APAF1: variants seen among roughly 807,000 people sequenced by gnomAD.
The protein encoded by APAF1 is apoptotic protease-activating factor 1.
Under a neutral mutation model 152.4 loss-of-function variants are expected in APAF1, and 91 were observed. The ratio of observed to expected loss-of-function variants is 0.60; its 90% confidence interval spans 0.50 to 0.71. APAF1 has a LOEUF of 0.71. Among genes scored for constraint, APAF1 ranks in the 30% least tolerant of loss-of-function variants. The probability of loss-of-function intolerance (pLI) is 0.00; values close to 1 mark genes in which losing one functional copy is unlikely to be tolerated. For synonymous variants in APAF1, 484 were observed against 494.1 expected (o/e 0.98, Z 0.27); for missense variants, 1,283 against 1,472.0 (o/e 0.87, Z 2.10).
In APAF1 at chr12:98,671,054, T is replaced by G; in HGVS notation, c.1576T>G (p.Phe526Val). 2 of 1,611,238 alleles carry G rather than the reference T, an allele frequency of 1.2e-6. No homozygotes were observed. Among genetic ancestry groups the G allele is most frequent in the South Asian group, 2.2e-5 (2 of 90,992 alleles). ...LVGPAHLIHE[F>V]VEYRHILDEK... ...AGGCCCTGCTCATCTGATTCATGAATTTGTGGAATACAGACATATACTAGA... is the reference window on the plus strand; with the variant it reads ...AGGCCCTGCTCATCTGATTCATGAAGTTGTGGAATACAGACATATACTAGA... The change falls in exon 11 of 27, where the codon TTT becomes GTT. Residue 526 changes from phenylalanine to valine, a missense_variant. Coordinates refer to ENST00000551964, the MANE Select transcript of APAF1 (RefSeq NM_181861.2).
intron 5 of APAF1, among the ~76,000 whole-genome samples, chr12:98,661,295 A>G (rs1249896197): frequency 6.6e-6 from 1 of 152,160 alleles, no homozygotes; most frequent in African/African-American, 2.4e-5. Flanking sequence ...CCCTAGTTCT[A>G]CTTTTCCTTT....
intron 16 of APAF1, among the ~76,000 whole-genome samples, chr12:98,688,634 C>T (rs995815639): frequency 4.8e-5 from 6 of 124,300 alleles, no homozygotes; most frequent in East Asian, 2.5e-4. Flanking sequence ...TCACACCTGG[C>T]GAAATTTTTT....
At chr12:98,713,410 A>G (rs1259579349) in intron 21 of APAF1, among the ~76,000 whole-genome samples, 2 of 152,154 alleles carry the variant, frequency 1.3e-5, no homozygotes, top group African/African-American at 4.8e-5. Context: ...TTCGGTACTG[A>G]TAAGGCTCAT....
At chr12:98,648,549 G>T (rs1186341058) in intron 2 of APAF1, 52 bp downstream of exon 2, 3 of 1,608,342 alleles carry the variant, frequency 1.9e-6, no homozygotes, top group Admixed American at 3.4e-5. Flanking sequence ...TAGAATTTCA[G>T]AACTTGTACT....
chr12:98,726,419 C>T (rs562023461), intron 25 of APAF1: 9 of 150,300 alleles, frequency 6.0e-5, no homozygotes, highest in African/African-American at 1.7e-4. Context: ...GGGGTTTTCC[C>T]CCTTTCATTA....
At chr12:98,667,889 G>GC (rs1324494825) in intron 10 of APAF1, among the ~76,000 whole-genome samples, 3 of 145,946 alleles carry the variant, frequency 2.1e-5, no homozygotes, top group East Asian at 2.1e-4. Flanking sequence ...TCCCACTTCA[G>GC]CCCCCCATGT....
In APAF1 at chr12:98,648,797, A is replaced by G; in HGVS notation, c.310A>G (p.Ser104Gly). 5 of 1,613,942 alleles carry G rather than the reference A, an allele frequency of 3.1e-6. No individual in the cohort carries two copies. Among genetic ancestry groups the G allele is most frequent in the Non-Finnish European group, 4.2e-6 (5 of 1,179,944 alleles). ...TTCTTCCAGTGGTAAAGATTCAGTTAGTGGAATAACTTCGTATGGTTTGTA... is the reference window on the plus strand; with the variant it reads ...TTCTTCCAGTGGTAAAGATTCAGTTGGTGGAATAACTTCGTATGGTTTGTA... Reference protein sequence around the residue: ...VSSSSGKDSVSGITSYVRTVL... With the variant: ...VSSSSGKDSVGGITSYVRTVL... The change falls in exon 3 of 27, where the codon AGT becomes GGT. Residue 104 changes from serine to glycine, a missense_variant. Physicochemically the swap from Ser to Gly is moderately conservative, Grantham distance 56. Coordinates refer to ENST00000551964, the MANE Select transcript of APAF1 (RefSeq NM_181861.2).
At chr12:98,706,332 T>G (rs1272561053) in intron 18 of APAF1, among the ~76,000 whole-genome samples, 153 bp from the exon 19 acceptor site, 1 of 152,248 alleles carries the variant, frequency 6.6e-6, no homozygotes, top group Non-Finnish European at 1.5e-5. Context: ...CTAAATAATC[T>G]TCTGCATAAG....
intron 5 of APAF1, among the ~76,000 whole-genome samples, chr12:98,660,650 C>T (rs1316197648): frequency 6.6e-6 from 1 of 152,204 alleles, no homozygotes; most frequent in African/African-American, 2.4e-5. Flanking sequence ...AACAGCCTCT[C>T]TTTCATTTGT....
intron 16 of APAF1, among the ~76,000 whole-genome samples, chr12:98,695,362 C>T (rs1224030044): frequency 3.5e-5 from 5 of 141,858 alleles, no homozygotes; most frequent in African/African-American, 1.0e-4. Context: ...CGCCCCCCCC[C>T]TTTTTTTTTT....
At chr12:98,653,473 A>G (rs558408541) in intron 4 of APAF1, among the ~76,000 whole-genome samples, 1 of 150,882 alleles carries the variant, frequency 6.6e-6, no homozygotes, top group East Asian at 2.0e-4. Flanking sequence ...CCTGGCCAAC[A>G]TGGTGAAACC....
At chr12:98,679,582 T>C (rs2097690187) in intron 13 of APAF1, among the ~76,000 whole-genome samples, 2 of 152,154 alleles carry the variant, frequency 1.3e-5, no homozygotes, top group Non-Finnish European at 2.9e-5. Context: ...GCATTGCAAG[T>C]GAAGATAAGT....
At chr12:98,685,842 G>A (rs1292330221) in intron 15 of APAF1, among the ~76,000 whole-genome samples, 1 of 152,018 alleles carries the variant, frequency 6.6e-6, no homozygotes, top group Non-Finnish European at 1.5e-5. Context: ...TTGCTATGGT[G>A]GTCAGGCTGG....
At chr12:98,679,430 GCTC>G (rs2097690029) in intron 13 of APAF1, among the ~76,000 whole-genome samples, 1 of 152,202 alleles carries the variant, frequency 6.6e-6, no homozygotes, top group Non-Finnish European at 1.5e-5. Flanking sequence ...GCTCAATAAA[GCTC>G]CTGTTTGTCT....
In APAF1 at chr12:98,656,538, T is replaced by A. The variant is rs142790780; in HGVS notation, c.527-2622T>A. ...CTCTGTCTCCAGTTGTTTGTTATATTTTAGACTTTCATGCAGTCACTATTC... is the reference window on the plus strand; with the variant it reads ...CTCTGTCTCCAGTTGTTTGTTATATATTAGACTTTCATGCAGTCACTATTC... On this transcript the variant is annotated intron_variant, in intron 4 of 26. Coordinates refer to ENST00000551964, the MANE Select transcript of APAF1 (RefSeq NM_181861.2). 1.3e-3 allele frequency among the ~76,000 whole-genome samples: 203 copies of A among 152,344 alleles called. 1 individual carries two copies. In the East Asian group the frequency reaches 0.032, roughly 24 times the overall value.
chr12:98,650,938 A>G (rs1214906130), intron 4 of APAF1, among the ~76,000 whole-genome samples: 2 of 151,950 alleles, frequency 1.3e-5, no homozygotes, highest in Non-Finnish European at 2.9e-5. Flanking sequence ...TTAAAAGAAC[A>G]CTCCCTCTCC....
chr12:98,709,285 T>A (rs776814584), intron 20 of APAF1, among the ~76,000 whole-genome samples: 2 of 152,142 alleles, frequency 1.3e-5, no homozygotes, highest in Non-Finnish European at 1.5e-5. Context: ...TGCTTAGGGA[T>A]CCAAACAGCA....
chr12:98,686,702 C>A, intron 15 of APAF1, 46 bp from the exon 16 acceptor site: 1 of 1,572,924 alleles, frequency 6.4e-7, no homozygotes, highest in African/African-American at 1.3e-5. Flanking sequence ...GATGTTTCCC[C>A]ACTCAATACT....
intron 10 of APAF1, among the ~76,000 whole-genome samples, chr12:98,668,511 A>T (rs929357985): frequency 6.6e-6 from 1 of 152,256 alleles, no homozygotes; most frequent in African/African-American, 2.4e-5. Context: ...GGCAGACATT[A>T]AACAAATTTA....
Sources: gnomAD v4.1 joint callset for allele counts (sites outside exome capture counted in the v4.1 genomes callset) on GRCh38, gnomAD v4.1.1 for gene constraint, MANE v1.5 for transcripts, NCBI Gene and HGNC (gene_info 2026-07-23, HGNC 2026-07-21) for gene names.